Variants in PATZ1 observed in about 807,000 individuals in gnomAD.
PATZ1 encodes the protein POZ-, AT hook-, and zinc finger-containing protein 1.
Under a neutral mutation model 46.2 loss-of-function variants are expected in PATZ1, and 9 were observed. The ratio of observed to expected loss-of-function variants is 0.19; its 90% CI spans 0.12 to 0.34. The LOEUF (loss-of-function observed/expected upper bound fraction) is 0.34, where lower values mean the gene tolerates loss of function less well. Among genes scored for constraint, PATZ1 ranks in the 10% least tolerant of loss-of-function variants. The pLI is 1.00. For synonymous variants in PATZ1, 426 were observed against 378.6 expected (o/e 1.13, Z -1.45); for missense variants, 632 against 923.0 (o/e 0.68, Z 4.08).
intron 3 of PATZ1, among the ~76,000 whole-genome samples, chr22:31,329,742 CGA>C (rs1477959695): frequency 2.0e-5 from 3 of 152,278 alleles, no homozygotes; most frequent in African/African-American, 7.2e-5. Context: ...GTCTGATCCA[CGA>C]GATATCTCAG....
rs1039886785 is a variant in PATZ1 at position 31,326,704 on chromosome 22, T to C, written c.*187A>G. 8 of 588,476 alleles carry C rather than the reference T, an allele frequency of 1.4e-5. No individual in the cohort carries two copies. The highest frequency in any genetic ancestry group is 3.7e-5 in the African/African-American group (2 of 53,812). 36.5% of individuals were successfully genotyped at this position (588,476 alleles called of 1,614,324 possible). On this transcript the variant is annotated 3_prime_UTR_variant, in exon 5 of 5. Transcript: ENST00000266269. ...ATTGATATTTCTGCAGAATATCAGATGAAAATCTATTTCTAAAGACCATTG... is the reference window on the plus strand; with the variant it reads ...ATTGATATTTCTGCAGAATATCAGACGAAAATCTATTTCTAAAGACCATTG...
intron 3 of PATZ1, among the ~76,000 whole-genome samples, chr22:31,333,176 T>C (rs944669969): frequency 2.0e-5 from 3 of 152,204 alleles, no homozygotes; most frequent in Non-Finnish European, 4.4e-5. Context: ...CCAGGAGTCA[T>C]TTTTGTGGCA....
chr22:31,327,159 G>A lies in PATZ1; in HGVS notation c.1796C>T (p.Ser599Phe), dbSNP rs1449590980. Reference protein sequence around the residue: ...DMAVPKNKMESDGEKKYPCPE... With the variant: ...DMAVPKNKMEFDGEKKYPCPE... ...GCATGGGTACTTCTTCTCCCCATCAGACTCCATTTTGTTTTTGGGGACTGC... is the reference window on the plus strand; with the variant it reads ...GCATGGGTACTTCTTCTCCCCATCAAACTCCATTTTGTTTTTGGGGACTGC... Residue 599 changes from serine to phenylalanine, a missense_variant, in exon 5 of 5, where the codon TCT becomes TTT. Ser to Phe is a radical substitution (Grantham distance 155). Coordinates refer to ENST00000266269, the MANE Select transcript of PATZ1 (RefSeq NM_014323.3). The surrounding 1 kb of genome is among the most constrained non-coding windows in gnomAD (Gnocchi z 4.2). 6.2e-7 allele frequency: 1 copy of A among 1,614,040 alleles called. No homozygotes were observed. The highest frequency in any genetic ancestry group is 8.5e-7 in the Non-Finnish European group (1 of 1,180,046).
At chr22:31,331,336 A>T (rs938538052) in intron 3 of PATZ1, among the ~76,000 whole-genome samples, 1 of 143,884 alleles carries the variant, frequency 7.0e-6, no homozygotes, top group East Asian at 2.1e-4. Flanking sequence ...TTAGAAGGTA[A>T]TTTTTTCCTT....
At chr22:31,332,852 C>T (rs1372411470) in intron 3 of PATZ1, among the ~76,000 whole-genome samples, 2 of 152,238 alleles carry the variant, frequency 1.3e-5, no homozygotes, top group Non-Finnish European at 2.9e-5. Flanking sequence ...CTTCACCATA[C>T]CAGCACATAG....
intron 2 of PATZ1, chr22:31,341,650 G>A (rs2049584026): frequency 6.2e-7 from 1 of 1,613,542 alleles, no homozygotes; most frequent in East Asian, 2.2e-5. Flanking sequence ...AGAGGTTCCA[G>A]GGGCGGCAGG....
At chr22:31,336,791 T>C (rs578057601) in intron 2 of PATZ1, among the ~76,000 whole-genome samples, 83 of 75,988 alleles carry the variant, frequency 1.1e-3, no homozygotes, top group African/African-American at 4.3e-3. Context: ...GGGCAACAAG[T>C]CAAGACTTCC....
Position 31,330,019 on chromosome 22 carries a change from C to A in PATZ1, c.1508-1095G>T, listed in dbSNP as rs140626375. 4.2e-3 allele frequency among the ~76,000 whole-genome samples: 645 copies of A among 152,322 alleles called. 3 individuals carry two copies. Among genetic ancestry groups the A allele is most frequent in the Middle Eastern group, 0.01 (3 of 294 alleles). On this transcript the variant is annotated intron_variant, in intron 3 of 4. Coordinates refer to ENST00000266269, the MANE Select transcript of PATZ1 (RefSeq NM_014323.3). ...TGACTCATCATCAGGTGTTTCCATT[C>A]ACTTTCAAAATTACACAGTCACAGG...
intron 3 of PATZ1, among the ~76,000 whole-genome samples, chr22:31,330,889 GA>G (rs2049432770): frequency 6.6e-6 from 1 of 152,182 alleles, no homozygotes; most frequent in Non-Finnish European, 1.5e-5. Context: ...GAAGCTGCTG[GA>G]AAAACAGGGC....
rs1158110232 is a variant in PATZ1, at chr22:31,346,138, G to C, written c.-536C>G. ...GGAGCGGAGGAAACAAAAGGCGAAGGCGAAGGCGGCGGCGGCGGGGCGCGC... is the reference window on the plus strand; with the variant it reads ...GGAGCGGAGGAAACAAAAGGCGAAGCCGAAGGCGGCGGCGGCGGGGCGCGC... On this transcript the variant is annotated 5_prime_UTR_variant, in exon 1 of 5. Coordinates refer to ENST00000266269, the MANE Select transcript of PATZ1 (RefSeq NM_014323.3). 6.7e-6 allele frequency: 1 copy of C among 148,738 alleles called. No homozygotes were observed. Among genetic ancestry groups the C allele is most frequent in the Admixed American group, 6.7e-5 (1 of 14,852 alleles). 9.2% of individuals were successfully genotyped at this position (148,738 alleles called of 1,614,324 possible).
At chr22:31,332,103 CT>C (rs2049451513) in intron 3 of PATZ1, among the ~76,000 whole-genome samples, 2 of 152,146 alleles carry the variant, frequency 1.3e-5, no homozygotes, top group African/African-American at 4.8e-5. Context: ...AACAGCGAAA[CT>C]GTCTTGCTGA....
chr22:31,326,825 C>T lies in PATZ1; in HGVS notation c.*66G>A. Reference sequence around the variant, plus strand: ...GCTACAGAACCCAAACATCACTTCCCTCCGCATTCACAGCATTTCCCAGCA... The same window carrying T: ...GCTACAGAACCCAAACATCACTTCCTTCCGCATTCACAGCATTTCCCAGCA... On this transcript the variant is annotated 3_prime_UTR_variant, in exon 5 of 5. Coordinates refer to ENST00000266269, the MANE Select transcript of PATZ1 (RefSeq NM_014323.3). The T allele has an allele frequency of 7.1e-7, 1 of 1,409,162 alleles. No homozygotes were observed. Among genetic ancestry groups the T allele is most frequent in the Non-Finnish European group, 9.7e-7 (1 of 1,034,086 alleles). The allele number at this position is 1,409,162 out of a possible 1,614,324, so 87.3% of individuals were successfully genotyped here. A position where few individuals can be genotyped will look rare whatever the true frequency, so the allele number is the denominator to read the frequency against.
rs1419339452 is a variant in PATZ1, at chr22:31,345,863, G to T, written c.-261C>A. 1 of 396,610 alleles carries T rather than the reference G, an allele frequency of 2.5e-6. No homozygotes were observed. The highest frequency in any genetic ancestry group is 3.7e-5 in the East Asian group (1 of 26,910). 24.6% of individuals were successfully genotyped at this position (396,610 alleles called of 1,614,324 possible). On this transcript the variant is annotated 5_prime_UTR_variant, in exon 1 of 5. Transcript: ENST00000266269. This position sits in a 1 kb window ranked among gnomAD's most constrained non-coding sequence, Gnocchi z 7.4. Reference sequence around the variant, plus strand: ...GCCACTCTCTCCTCTCCGCCCGCCCGCCTCCCCTTCCCGGTCTACCTTCCG... The same window carrying T: ...GCCACTCTCTCCTCTCCGCCCGCCCTCCTCCCCTTCCCGGTCTACCTTCCG...
At chr22:31,340,999 C>G (rs1034995974) in intron 2 of PATZ1, 1 of 1,075,142 alleles carries the variant, frequency 9.3e-7, no homozygotes. Context: ...CCGACTCACT[C>G]GTGGAGTGGG....
Position 31,345,531 on chromosome 22 carries a change from C to T in PATZ1, c.72G>A (p.Thr24=), listed in dbSNP as rs201747002. ...CYTYQVSRHS[T]EMLHNLNQQR... is the part of the protein sequence containing the mutation. ...GCTGGTTCAGGTTGTGCAGCATCTC[C>T]GTGCTGTGTCTGCTCACCTGGTATG... The change falls in exon 1 of 5, where the codon ACG becomes ACA. Residue 24 remains threonine, a synonymous_variant. Coordinates refer to ENST00000266269, the MANE Select transcript of PATZ1 (RefSeq NM_014323.3). This position sits in a 1 kb window ranked among gnomAD's most constrained non-coding sequence, Gnocchi z 7.4. The T allele has an allele frequency of 6.2e-7, 1 of 1,613,232 alleles. No homozygotes were observed. Among genetic ancestry groups the T allele is most frequent in the East Asian group, 2.2e-5 (1 of 44,858 alleles).
intron 1 of PATZ1, among the ~76,000 whole-genome samples, chr22:31,343,858 C>A (rs1450671767): frequency 6.6e-6 from 1 of 152,222 alleles, no homozygotes; most frequent in East Asian, 1.9e-4. Flanking sequence ...CAGCTGGAGT[C>A]TACTGATCAG....
rs2049394229 is a variant in PATZ1 at position 31,328,434 on chromosome 22, C to T, written c.1645+353G>A. On this transcript the variant is annotated intron_variant, in intron 4 of 4. Transcript: ENST00000266269. This position sits in a 1 kb window ranked among gnomAD's most constrained non-coding sequence, Gnocchi z 4.8. ...CGCAGCTCCACACCATCCTAAAGGG[C>T]AGCAGGCAGTGACAGGCCCATAGTG... Among the ~76,000 whole-genome samples the T allele has an allele frequency of 6.6e-6, 1 of 152,230 alleles. No individual in the cohort carries two copies. Among genetic ancestry groups the T allele is most frequent in the Admixed American group, 6.5e-5 (1 of 15,290 alleles).
chr22:31,331,313 T>C (rs2049438977), intron 3 of PATZ1, among the ~76,000 whole-genome samples: 1 of 151,586 alleles, frequency 6.6e-6, no homozygotes, highest in African/African-American at 2.4e-5. Flanking sequence ...TCTGATAATA[T>C]GATGATACCA....
Position 31,345,263 on chromosome 22 carries a change from A to G in PATZ1, c.340T>C (p.Phe114Leu), listed in dbSNP as rs1478265598. 6.2e-7 allele frequency: 1 copy of G among 1,613,054 alleles called. No homozygotes were observed. Among genetic ancestry groups the G allele is most frequent in the African/African-American group, 1.3e-5 (1 of 74,862 alleles). ...TAGGCGAAGTCCAGAATGTCCCCAA[A>G]TACCTTGGAGCTGATAGTGTGCATC... ...LEMHTISSKV[F>L]GDILDFAYTS... is the part of the protein sequence containing the mutation. The change falls in exon 1 of 5, where the codon TTT (phenylalanine) becomes CTT (leucine). Residue 114 changes from phenylalanine to leucine, a missense_variant. Physicochemically the swap from Phe to Leu is conservative, Grantham distance 22. Transcript: ENST00000266269. This position sits in a 1 kb window ranked among gnomAD's most constrained non-coding sequence, Gnocchi z 7.4.
Sources: allele counts gnomAD v4.1 joint callset (sites outside exome capture counted in the v4.1 genomes callset), GRCh38; gene constraint gnomAD v4.1.1; non-coding constraint Gnocchi (gnomAD v3.1); transcripts MANE v1.5; gene names NCBI Gene and HGNC (gene_info 2026-07-23, HGNC 2026-07-21).